The following RFFL variants were observed in gnomAD, a reference collection of about 807,000 sequenced individuals.
RFFL encodes the protein ring finger and FYVE like domain containing E3 ubiquitin protein ligase.
RFFL carries 16 observed loss-of-function variants against 40.4 expected under a neutral mutation model. The ratio of observed to expected loss-of-function variants is 0.40; its 90% CI spans 0.27 to 0.60. The LOEUF (loss-of-function observed/expected upper bound fraction) is 0.60, where lower values mean the gene tolerates loss of function less well. Among genes scored for constraint, RFFL ranks in the 20% least tolerant of loss-of-function variants. The pLI is 0.47. For missense variants in RFFL, 367 were observed against 451.7 expected, an observed-to-expected ratio of 0.81 and a Z score of 1.70; for synonymous variants, 154 against 167.9, an observed-to-expected ratio of 0.92 and a Z score of 0.64.
At position 35,008,410 on chromosome 17, in the gene RFFL, ATTAGCTTGTGGT is replaced by A. The variant is rs1171046344; in HGVS notation, c.*3546_*3557del. On this transcript the variant is annotated 3_prime_UTR_variant, in exon 7 of 7. Coordinates refer to ENST00000394597, the MANE Select transcript of RFFL (RefSeq NM_001017368.2). ...TCCCAGGCCATGTGCACATCCCAGG[ATTAGCTTGTGGT>A]TTATCAGTTGTCAATTTTTTTTTTT... 1.3e-5 allele frequency: 2 copies of A among 151,922 alleles called. No individual in the cohort carries two copies. Among genetic ancestry groups the A allele is most frequent in the South Asian group, 4.2e-4 (2 of 4,810 alleles). The allele number at this position is 151,922 out of a possible 1,614,324, so 9.4% of individuals were successfully genotyped here. A position where few individuals can be genotyped will look rare whatever the true frequency, so the allele number is the denominator to read the frequency against.
chr17:35,032,386 A>C (rs1477904153), intron 1 of RFFL, among the ~76,000 whole-genome samples: 1 of 151,944 alleles, frequency 6.6e-6, no homozygotes. Context: ...GTAAATATGG[A>C]AATTTTAAAA....
intron 1 of RFFL, among the ~76,000 whole-genome samples, chr17:35,079,135 T>C (rs1011071084): frequency 6.6e-6 from 1 of 152,174 alleles, no homozygotes; most frequent in Non-Finnish European, 1.5e-5. Flanking sequence ...ACTAGAGGCT[T>C]ATTTTTATGT....
At chr17:35,049,879 T>C (rs1333842460) in intron 1 of RFFL, among the ~76,000 whole-genome samples, 2 of 151,948 alleles carry the variant, frequency 1.3e-5, no homozygotes, top group Non-Finnish European at 2.9e-5. Context: ...GTCAGGAGTT[T>C]GAGACCAGCC....
chr17:35,015,222 C>G (rs527706670), intron 5 of RFFL, among the ~76,000 whole-genome samples: 23 of 152,368 alleles, frequency 1.5e-4, no homozygotes, highest in African/African-American at 5.1e-4. Context: ...CTGCCTCAGC[C>G]TCCCAGAGTG....
At chr17:35,069,253 CTACCCTGGT>C (rs1216013220) in intron 1 of RFFL, 1 of 456,772 alleles carries the variant, frequency 2.2e-6, no homozygotes, top group Admixed American at 2.3e-5. Flanking sequence ...TCCTAAACGT[CTACCCTGGT>C]TTCCACTAAT....
intron 1 of RFFL, among the ~76,000 whole-genome samples, chr17:35,079,174 C>A (rs1396673191): frequency 6.6e-6 from 1 of 152,090 alleles, no homozygotes; most frequent in Non-Finnish European, 1.5e-5. Context: ...AGGCACGCAC[C>A]ACCATGCCTG....
intron 1 of RFFL, among the ~76,000 whole-genome samples, chr17:35,076,575 G>A (rs935659347): frequency 1.3e-5 from 2 of 151,620 alleles, no homozygotes; most frequent in African/African-American, 4.8e-5. Context: ...CTACTTGGGA[G>A]GCTGAGGCAG....
At chr17:35,073,404 T>A (rs1001854800) in intron 1 of RFFL, among the ~76,000 whole-genome samples, 1 of 152,198 alleles carries the variant, frequency 6.6e-6, no homozygotes, top group Non-Finnish European at 1.5e-5. Flanking sequence ...GACAAATAAG[T>A]TGTGAAAGAT....
chr17:35,076,240 C>T (rs563291898), intron 1 of RFFL, among the ~76,000 whole-genome samples: 1 of 151,848 alleles, frequency 6.6e-6, no homozygotes, highest in Non-Finnish European at 1.5e-5. Context: ...GTGATCCGCC[C>T]GCCTCAGGCC....
At chr17:35,061,642 A>T (rs866369974) in intron 1 of RFFL, among the ~76,000 whole-genome samples, 57 of 145,100 alleles carry the variant, frequency 3.9e-4, no homozygotes, top group Middle Eastern at 7.0e-3. Context: ...TTTTTTTTTT[A>T]AATACAGACA....
At chr17:35,058,071 G>C (rs1259760867) in intron 1 of RFFL, among the ~76,000 whole-genome samples, 1 of 152,096 alleles carries the variant, frequency 6.6e-6, no homozygotes. Context: ...CTGTTCTGAT[G>C]ATGGGCTGAT....
intron 1 of RFFL, among the ~76,000 whole-genome samples, chr17:35,038,637 G>A (rs1192013807): frequency 6.6e-6 from 1 of 152,192 alleles, no homozygotes; most frequent in African/African-American, 2.4e-5. Flanking sequence ...CTTATGTTGA[G>A]CAAAAGCAGG....
At chr17:35,068,046 T>A (rs866334136), upstream of RFFL, among the ~76,000 whole-genome samples, 1 of 152,220 alleles carries the variant, frequency 6.6e-6, no homozygotes, top group Non-Finnish European at 1.5e-5. Context: ...ACAGTCTTGT[T>A]ATACTGAGAC....
upstream of RFFL, among the ~76,000 whole-genome samples, chr17:35,064,242 A>G (rs902249733): frequency 6.6e-6 from 1 of 151,182 alleles, no homozygotes; most frequent in South Asian, 2.1e-4. Context: ...TGACCTCTCT[A>G]TTTCTTCAGA....
In RFFL at chr17:35,042,582, G is replaced by A. The variant is rs189908112; in HGVS notation, c.-8-16021C>T. 1.4e-3 allele frequency among the ~76,000 whole-genome samples: 215 copies of A among 152,194 alleles called. 1 individual carries two copies. The highest frequency in any genetic ancestry group is 5.2e-3 in the African/African-American group (215 of 41,530). On this transcript the variant is annotated intron_variant, in intron 1 of 6. Coordinates refer to ENST00000394597, the MANE Select transcript of RFFL (RefSeq NM_001017368.2). ...CACACCTGTAATCCCAGCACTTTGG[G>A]AGGCCAAGGCAGGCGGATCACCTGA...
At chr17:35,024,219 T>A (rs1396086341) in intron 2 of RFFL, among the ~76,000 whole-genome samples, 1 of 152,152 alleles carries the variant, frequency 6.6e-6, no homozygotes, top group Non-Finnish European at 1.5e-5. Flanking sequence ...GCCCTTCCCT[T>A]GCTCCTACTC....
chr17:35,048,259 G>A (rs1418789234), intron 1 of RFFL, among the ~76,000 whole-genome samples: 1 of 151,650 alleles, frequency 6.6e-6, no homozygotes, highest in Non-Finnish European at 1.5e-5. Context: ...AAAATTAGCC[G>A]GGAGTGGCGG....
chr17:35,041,929 C>T (rs771835126), intron 1 of RFFL, among the ~76,000 whole-genome samples: 4 of 152,098 alleles, frequency 2.6e-5, no homozygotes, highest in Non-Finnish European at 5.9e-5. Context: ...GGAGAAGTAT[C>T]GCTTGAACCC....
At chr17:35,044,702 T>C (rs886831291) in intron 1 of RFFL, among the ~76,000 whole-genome samples, 1 of 152,180 alleles carries the variant, frequency 6.6e-6, no homozygotes, top group Non-Finnish European at 1.5e-5. Context: ...CTCCTTACTC[T>C]ATCCTATTCT....
Sources: gnomAD v4.1 joint callset for allele counts (sites outside exome capture counted in the v4.1 genomes callset) on GRCh38, gnomAD v4.1.1 for gene constraint, MANE v1.5 for transcripts, NCBI Gene and HGNC (gene_info 2026-07-23, HGNC 2026-07-21) for gene names.